Variants in CTNNA3 observed in about 807,000 individuals in gnomAD.
The protein encoded by CTNNA3 is catenin alpha 3.
CTNNA3 carries 76 observed loss-of-function variants against 95.7 expected under a neutral mutation model. The ratio of observed to expected loss-of-function variants is 0.79; its 90% CI spans 0.66 to 0.96. The LOEUF (loss-of-function observed/expected upper bound fraction) is 0.96. Among genes scored for constraint, CTNNA3 ranks in the 40% least tolerant of loss-of-function variants. CTNNA3 has a pLI of 0.00. For synonymous variants in CTNNA3, 431 were observed against 374.4 expected, an observed-to-expected ratio of 1.15 and a Z score of -1.74; for missense variants, 1,191 against 1,089.8, an observed-to-expected ratio of 1.09 and a Z score of -1.31.
chr10:66,061,232 CTG>C (rs1273711360), intron 15 of CTNNA3, among the ~76,000 whole-genome samples: 2 of 152,134 alleles, frequency 1.3e-5, no homozygotes, highest in African/African-American at 4.8e-5. Context: ...GCATTTGTAA[CTG>C]TGCACAAATG....
At chr10:66,491,161 A>C (rs2131935318) in intron 11 of CTNNA3, among the ~76,000 whole-genome samples, 1 of 152,294 alleles carries the variant, frequency 6.6e-6, no homozygotes, top group South Asian at 2.1e-4. Context: ...TATTTTATAT[A>C]GATATTTATG....
intron 10 of CTNNA3, among the ~76,000 whole-genome samples, chr10:66,593,789 T>C (rs781622008): frequency 6.6e-6 from 1 of 152,162 alleles, no homozygotes; most frequent in East Asian, 1.9e-4. Flanking sequence ...AGTGTTCCAC[T>C]ATCCACAATC....
intron 1 of CTNNA3, among the ~76,000 whole-genome samples, chr10:67,695,411 T>G (rs751052760): frequency 6.6e-6 from 1 of 152,210 alleles, no homozygotes; most frequent in Admixed American, 6.5e-5. Context: ...GATTGATCAT[T>G]ACATCTCATG....
chr10:67,538,467 C>T (rs1182639516), intron 4 of CTNNA3, among the ~76,000 whole-genome samples: 1 of 151,076 alleles, frequency 6.6e-6, no homozygotes, highest in South Asian at 2.1e-4. Context: ...CCTGTAATCC[C>T]GCTATTCAGG....
Position 67,024,090 on chromosome 10 carries a change from C to G in CTNNA3, c.1047+156227G>C, listed in dbSNP as rs79630268. The stretch of plus-strand genomic sequence containing the variant: ...GAAGTCCAAAATCAGCCTCACTGAG[C>G]TAAAGTCAAGTCAGCAGGACTGTGT... On this transcript the variant is annotated intron_variant, in intron 7 of 17. Coordinates refer to ENST00000433211, the MANE Select transcript of CTNNA3 (RefSeq NM_013266.4). Among the ~76,000 whole-genome samples, 1,168 of 152,308 alleles carry G rather than the reference C, an allele frequency of 7.7e-3. 39 individuals are homozygous for G. In the East Asian group the frequency reaches 0.11, roughly 14 times the overall value.
intron 5 of CTNNA3, among the ~76,000 whole-genome samples, chr10:67,482,888 T>C (rs1384397829): frequency 6.6e-6 from 1 of 152,170 alleles, no homozygotes; most frequent in African/African-American, 2.4e-5. Flanking sequence ...TGTGGGTTTG[T>C]CATAGATAGC....
intron 12 of CTNNA3, among the ~76,000 whole-genome samples, chr10:66,360,679 C>CTT (rs1186333155): frequency 1.9e-4 from 12 of 62,648 alleles, no homozygotes; most frequent in African/African-American, 2.9e-4. Flanking sequence ...TCCTTCCTTC[C>CTT]TTCCTTCCTT....
intron 13 of CTNNA3, among the ~76,000 whole-genome samples, chr10:66,187,117 T>G (rs892672790): frequency 6.6e-6 from 1 of 152,132 alleles, no homozygotes; most frequent in Non-Finnish European, 1.5e-5. Flanking sequence ...CAACTGTCAT[T>G]ATTTGACTTG....
At chr10:66,246,288 GC>G (rs2132054432) in intron 13 of CTNNA3, among the ~76,000 whole-genome samples, 1 of 152,236 alleles carries the variant, frequency 6.6e-6, no homozygotes, top group African/African-American at 2.4e-5. Context: ...TAAGTCTGCA[GC>G]CATGATTTGG....
chr10:66,266,809 A>G (rs771388256), intron 13 of CTNNA3, among the ~76,000 whole-genome samples: 32 of 152,054 alleles, frequency 2.1e-4, no homozygotes, highest in Non-Finnish European at 3.5e-4. Context: ...TGTTAGTATC[A>G]TTATTAGTAT....
intron 7 of CTNNA3, among the ~76,000 whole-genome samples, chr10:66,809,202 C>T (rs191603671): frequency 8.3e-4 from 126 of 152,200 alleles, no homozygotes; most frequent in Middle Eastern, 3.4e-3. Flanking sequence ...TGTGTTTAAA[C>T]AAAAGCAGGC....
Position 66,935,178 on chromosome 10 carries a change from A to G in CTNNA3, c.1048-159654T>C, listed in dbSNP as rs371264946. Among the ~76,000 whole-genome samples, 46 of 152,282 alleles carry G rather than the reference A, an allele frequency of 3.0e-4. No individual in the cohort carries two copies. The South Asian group carries it at 9.1e-3, about 30-fold the overall frequency. Reference sequence around the variant, plus strand: ...TCCCTCATTAATATTTGATGCAGTCAACCAGAATCTCACAAGAGCTTTAAA... The same window carrying G: ...TCCCTCATTAATATTTGATGCAGTCGACCAGAATCTCACAAGAGCTTTAAA... On this transcript the variant is annotated intron_variant, in intron 7 of 17. Coordinates refer to ENST00000433211, the MANE Select transcript of CTNNA3 (RefSeq NM_013266.4).
At chr10:66,331,045 T>C (rs36129647) in intron 12 of CTNNA3, among the ~76,000 whole-genome samples, 25,069 of 151,954 alleles carry the variant, frequency 0.16, 2,356 homozygotes, top group South Asian at 0.32. Flanking sequence ...GTAGTTTCTT[T>C]TGCTGTGCAG....
chr10:66,978,067 TAC>T (rs3056586), intron 7 of CTNNA3, among the ~76,000 whole-genome samples: 9,782 of 113,912 alleles, frequency 0.086, 840 homozygotes, highest in African/African-American at 0.23. Context: ...TATATATATA[TAC>T]ACACACACAC....
intron 16 of CTNNA3, among the ~76,000 whole-genome samples, chr10:65,980,794 C>T (rs1007876847): frequency 6.6e-6 from 1 of 151,936 alleles, no homozygotes; most frequent in Non-Finnish European, 1.5e-5. Flanking sequence ...ATCCAGCATC[C>T]CTTTATGATT....
intron 7 of CTNNA3, among the ~76,000 whole-genome samples, chr10:67,063,454 G>T (rs1289583010): frequency 6.6e-6 from 1 of 152,168 alleles, no homozygotes. Flanking sequence ...AGTACTCCAA[G>T]TTCCAACAGT....
At chr10:66,369,320 C>G (rs984026783) in intron 12 of CTNNA3, among the ~76,000 whole-genome samples, 1 of 152,122 alleles carries the variant, frequency 6.6e-6, no homozygotes, top group Non-Finnish European at 1.5e-5. Flanking sequence ...TGTCTAAAGT[C>G]TCCTTGGCTT....
intron 3 of CTNNA3, among the ~76,000 whole-genome samples, chr10:67,603,585 T>C (rs1317743949): frequency 2.0e-5 from 3 of 148,118 alleles, no homozygotes; most frequent in East Asian, 4.1e-4. Flanking sequence ...TAGATTTTAG[T>C]AAAAAAAACT....
At chr10:67,549,774 T>C (rs922734317) in intron 3 of CTNNA3, among the ~76,000 whole-genome samples, 1 of 152,202 alleles carries the variant, frequency 6.6e-6, no homozygotes, top group African/African-American at 2.4e-5. Flanking sequence ...TAAATTTCAG[T>C]ATACATAAAT....
Sources: gnomAD v4.1 joint callset for allele counts (sites outside exome capture counted in the v4.1 genomes callset) on GRCh38, gnomAD v4.1.1 for gene constraint, MANE v1.5 for transcripts, NCBI Gene and HGNC (gene_info 2026-07-23, HGNC 2026-07-21) for gene names.